The following RBFOX3 variants were observed in gnomAD, a reference collection of about 807,000 sequenced individuals.
RBFOX3 encodes the protein RNA binding fox-1 homolog 3.
In RBFOX3, 17 loss-of-function variants were observed where a neutral mutation model predicts 48.7. The observed-to-expected ratio is 0.35, with a 90% CI of 0.24 to 0.52. The LOEUF (loss-of-function observed/expected upper bound fraction) is 0.52. Among genes scored for constraint, RBFOX3 ranks in the 20% least tolerant of loss-of-function variants. The probability of loss-of-function intolerance (pLI) is 0.94; values close to 1 mark genes in which losing one functional copy is unlikely to be tolerated. For synonymous variants in RBFOX3, 212 were observed against 209.5 expected, an observed-to-expected ratio of 1.01 and a Z score of -0.10; for missense variants, 382 against 497.5, an observed-to-expected ratio of 0.77 and a Z score of 2.21.
At chr17:79,325,272 A>G (rs1334427997) in intron 2 of RBFOX3, among the ~76,000 whole-genome samples, 1 of 152,178 alleles carries the variant, frequency 6.6e-6, no homozygotes, top group Non-Finnish European at 1.5e-5. Flanking sequence ...CAGGTGGGTG[A>G]GGGCAGCCTG....
At chr17:79,268,063 T>G (rs1485785331) in intron 3 of RBFOX3, among the ~76,000 whole-genome samples, 3 of 152,184 alleles carry the variant, frequency 2.0e-5, no homozygotes, top group Non-Finnish European at 4.4e-5. Flanking sequence ...TTTCACCTCT[T>G]TCAACCCTCC....
At chr17:79,104,853 G>T (rs920014072) in intron 6 of RBFOX3, among the ~76,000 whole-genome samples, 13 of 151,888 alleles carry the variant, frequency 8.6e-5, no homozygotes, top group Non-Finnish European at 1.9e-4. Context: ...AGCATAGGAG[G>T]GTCTTCCGCC....
At chr17:79,589,034 G>A (rs1259604318) in intron 1 of RBFOX3, among the ~76,000 whole-genome samples, 4 of 151,892 alleles carry the variant, frequency 2.6e-5, no homozygotes, top group Non-Finnish European at 2.9e-5. Flanking sequence ...CCCGTCCTGA[G>A]CTTGGACCTG....
chr17:79,350,164 G>A (rs2083634388), intron 2 of RBFOX3, among the ~76,000 whole-genome samples: 1 of 152,196 alleles, frequency 6.6e-6, no homozygotes, highest in Non-Finnish European at 1.5e-5. Flanking sequence ...TTGTCCAACA[G>A]CTCTGTCCTC....
In RBFOX3 at chr17:79,319,228, A is replaced by G. The variant is rs554975488; in HGVS notation, c.-174-11404T>C. Among the ~76,000 whole-genome samples the G allele has an allele frequency of 7.4e-4, 113 of 152,264 alleles. 1 individual carries two copies. The highest frequency in any genetic ancestry group is 2.5e-3 in the African/African-American group (103 of 41,554). On this transcript the variant is annotated intron_variant, in intron 2 of 14. Transcript: ENST00000693108. ...TTCTTTCCTGTTACAAAGTTTTGAC[A>G]TATTGGAGCCGGGAAGGAAGAAAAG...
At chr17:79,201,353 G>A (rs530466426) in intron 4 of RBFOX3, among the ~76,000 whole-genome samples, 1 of 152,274 alleles carries the variant, frequency 6.6e-6, no homozygotes, top group African/African-American at 2.4e-5. Flanking sequence ...GGGGAGGGAG[G>A]GAAACCAGAG....
intron 3 of RBFOX3, among the ~76,000 whole-genome samples, chr17:79,267,602 G>C (rs2066932950): frequency 6.6e-6 from 1 of 152,194 alleles, no homozygotes; most frequent in African/African-American, 2.4e-5. Flanking sequence ...TGTTGGCCAA[G>C]CTTGTCTTGA....
intron 2 of RBFOX3, among the ~76,000 whole-genome samples, chr17:79,333,264 T>C (rs2080688712): frequency 1.3e-5 from 2 of 152,126 alleles, no homozygotes; most frequent in Non-Finnish European, 2.9e-5. Flanking sequence ...TGGGGGAAGG[T>C]GTCCTCGCTT....
chr17:79,582,125 C>T (rs1053155443), intron 1 of RBFOX3, among the ~76,000 whole-genome samples: 4 of 149,668 alleles, frequency 2.7e-5, no homozygotes, highest in Non-Finnish European at 5.9e-5. Flanking sequence ...CCTGTGCGTG[C>T]CTGTGTATGC....
At chr17:79,130,965 T>C (rs1289043197) in intron 4 of RBFOX3, among the ~76,000 whole-genome samples, 1 of 152,258 alleles carries the variant, frequency 6.6e-6, no homozygotes, top group Non-Finnish European at 1.5e-5. Context: ...CAGCGTGCTC[T>C]GCGTGCCCTG....
intron 4 of RBFOX3, chr17:79,235,098 T>A (rs1409901990): frequency 6.6e-6 from 1 of 152,182 alleles, no homozygotes; most frequent in Admixed American, 6.5e-5. Flanking sequence ...ACAACCCCAT[T>A]GAAGGTCCAG....
the RBFOX3 span, among the ~76,000 whole-genome samples, chr17:79,622,282 AG>A: frequency 6.6e-6 from 1 of 152,078 alleles, no homozygotes; most frequent in Non-Finnish European, 1.5e-5. Flanking sequence ...GGCAGGACCG[AG>A]CCCCCTCCTT....
intron 1 of RBFOX3, among the ~76,000 whole-genome samples, chr17:79,550,757 C>T (rs932250743): frequency 9.9e-5 from 15 of 151,934 alleles, no homozygotes; most frequent in Non-Finnish European, 2.1e-4. Flanking sequence ...GGATAGGTGG[C>T]TGTGTGGATG....
intron 3 of RBFOX3, among the ~76,000 whole-genome samples, chr17:79,296,022 G>A (rs1392494201): frequency 6.6e-6 from 1 of 152,016 alleles, no homozygotes; most frequent in Admixed American, 6.6e-5. Context: ...TTACAACAGG[G>A]TGGGGCTGGG....
intron 2 of RBFOX3, among the ~76,000 whole-genome samples, chr17:79,464,299 G>A (rs1186538176): frequency 1.3e-5 from 2 of 152,256 alleles, no homozygotes; most frequent in African/African-American, 2.4e-5. Flanking sequence ...CCAGAAAGAC[G>A]TTGGGGGAAA....
At chr17:79,181,157 G>A (rs2051830447) in intron 4 of RBFOX3, among the ~76,000 whole-genome samples, 1 of 152,194 alleles carries the variant, frequency 6.6e-6, no homozygotes, top group Non-Finnish European at 1.5e-5. Context: ...GTCATTCAAG[G>A]AAGACACTGA....
chr17:79,327,878 T>G (rs2079576346), intron 2 of RBFOX3, among the ~76,000 whole-genome samples: 1 of 152,190 alleles, frequency 6.6e-6, no homozygotes, highest in African/African-American at 2.4e-5. Flanking sequence ...GTACTTTTAG[T>G]AGAGACAGGG....
intron 1 of RBFOX3, among the ~76,000 whole-genome samples, chr17:79,487,815 G>A (rs958773216): frequency 1.3e-5 from 2 of 150,306 alleles, no homozygotes; most frequent in Non-Finnish European, 2.9e-5. Context: ...GAGAGGCTGA[G>A]GCAGGAGAAT....
the RBFOX3 span, among the ~76,000 whole-genome samples, chr17:79,620,360 G>C: frequency 0.12 from 12,842 of 111,182 alleles, 1,633 homozygotes; most frequent in African/African-American, 0.34. Flanking sequence ...CACGGACATG[G>C]ACACACACGG....
Sources: gnomAD v4.1 joint callset for allele counts (sites outside exome capture counted in the v4.1 genomes callset) on GRCh38, gnomAD v4.1.1 for gene constraint, MANE v1.5 for transcripts, NCBI Gene and HGNC (gene_info 2026-07-23, HGNC 2026-07-21) for gene names.